The following SH2B3 variants were observed in gnomAD, a reference collection of about 807,000 sequenced individuals.
SH2B3 encodes SH2B adapter protein 3.
Under a neutral mutation model 51.9 loss-of-function variants are expected in SH2B3, and 43 were observed. The observed-to-expected ratio is 0.83, with a 90% confidence interval of 0.65 to 1.07. The LOEUF (loss-of-function observed/expected upper bound fraction) is 1.07, where lower values mean the gene tolerates loss of function less well. Ranked by LOEUF, SH2B3 falls within the 50% of genes least tolerant of loss-of-function variation. The pLI is 0.00. For missense variants in SH2B3, 952 were observed against 834.3 expected, an observed-to-expected ratio of 1.14 and a Z score of -1.74; for synonymous variants, 396 against 376.0, an observed-to-expected ratio of 1.05 and a Z score of -0.62.
At chr12:111,432,746 A>G (rs563153726) in intron 2 of SH2B3, among the ~76,000 whole-genome samples, 2 of 152,242 alleles carry the variant, frequency 1.3e-5, no homozygotes, top group African/African-American at 4.8e-5. Flanking sequence ...GACATTTCAC[A>G]TATGTGGAAT....
chr12:111,419,585 TAA>T (rs1194581359), intron 2 of SH2B3, among the ~76,000 whole-genome samples: 3 of 151,216 alleles, frequency 2.0e-5, no homozygotes, highest in African/African-American at 7.3e-5. Flanking sequence ...TACAGTGAAC[TAA>T]GATTGCACCA....
Position 111,418,456 on chromosome 12 carries a change from C to T in SH2B3, c.311C>T (p.Pro104Leu). Residue 104 changes from proline (P) to leucine (L), a missense_variant, in exon 2 of 8, where the codon CCG (proline) becomes CTG (leucine). Coordinates refer to ENST00000341259, the MANE Select transcript of SH2B3 (RefSeq NM_005475.3). This position sits in a 1 kb window ranked among gnomAD's most constrained non-coding sequence, Gnocchi z 6.7. ...CCCCCAGCCAAGGCCGAGGCGTCCC[C>T]GGAGCCAGGCCCCGGCCCCGCCGCC... is the stretch of plus-strand genomic sequence containing the variant. ...RGPPAKAEAS[P>L]EPGPGPAAPG... 1 of 1,388,798 alleles carries T rather than the reference C, an allele frequency of 7.2e-7. No individual in the cohort carries two copies. The highest frequency in any genetic ancestry group is 1.5e-5 in the South Asian group (1 of 67,190). The allele number at this position is 1,388,798 out of a possible 1,614,324, so 86.0% of individuals were successfully genotyped here.
At position 111,438,179 on chromosome 12, in the gene SH2B3, G is replaced by A. The variant is rs1026556314; in HGVS notation, c.733-8574G>A. ...CAGGGGCTGGGTGGCAGGGGAAGGTGTGGGCGGGAAGGCGGCTGGAGGGAG... is the reference window on the plus strand; with the variant it reads ...CAGGGGCTGGGTGGCAGGGGAAGGTATGGGCGGGAAGGCGGCTGGAGGGAG... On this transcript the variant is annotated intron_variant, in intron 2 of 7. Coordinates refer to ENST00000341259, the MANE Select transcript of SH2B3 (RefSeq NM_005475.3). This position sits in a 1 kb window ranked among gnomAD's most constrained non-coding sequence, Gnocchi z 4.2. 6.6e-6 allele frequency among the ~76,000 whole-genome samples: 1 copy of A among 152,164 alleles called. No individual in the cohort carries two copies. Among genetic ancestry groups the A allele is most frequent in the African/African-American group, 2.4e-5 (1 of 41,440 alleles).
intron 1 of SH2B3, among the ~76,000 whole-genome samples, chr12:111,414,863 C>T (rs1870966156): frequency 6.6e-6 from 1 of 152,188 alleles, no homozygotes; most frequent in South Asian, 2.1e-4. Flanking sequence ...TCATGGGTTC[C>T]TTACAAGGTG....
rs768764036 is a variant in SH2B3 at position 111,448,117 on chromosome 12, C to A, written c.1543C>A (p.Leu515Ile). 2 of 1,614,048 alleles carry A rather than the reference C, an allele frequency of 1.2e-6. No individual in the cohort carries two copies. Among genetic ancestry groups the A allele is most frequent in the Non-Finnish European group, 1.7e-6 (2 of 1,180,032 alleles). Residue 515 changes from leucine (L) to isoleucine (I), a missense_variant, in exon 8 of 8, where the codon CTC becomes ATC. Physicochemically the swap from Leu to Ile is conservative, Grantham distance 5 (BLOSUM62 2). Transcript: ENST00000341259. ...TCCCCGGGGGCTCAGCCCAGAGGGT[C>A]TCCCAGGGCGATCCTCACCCCCCGA... is the stretch of plus-strand genomic sequence containing the variant. Reference protein sequence around the residue: ...GCPRGLSPEGLPGRSSPPEQI... With the variant: ...GCPRGLSPEGIPGRSSPPEQI...
rs1870309079 is a variant in SH2B3, at chr12:111,407,131, G to A, written c.-28+854G>A. On this transcript the variant is annotated intron_variant, in intron 1 of 7. Coordinates refer to ENST00000341259, the MANE Select transcript of SH2B3 (RefSeq NM_005475.3). This position sits in a 1 kb window ranked among gnomAD's most constrained non-coding sequence, Gnocchi z 4.3. ...AGAGGAGGGTCTGCCTGCCTGTCCC[G>A]CTTCTTTTTTTCTTTAGTTTCCTCA... Among the ~76,000 whole-genome samples the A allele has an allele frequency of 6.6e-6, 1 of 152,122 alleles. No individual in the cohort carries two copies. The highest frequency in any genetic ancestry group is 2.4e-5 in the African/African-American group (1 of 41,416).
chr12:111,424,441 G>T (rs927307728), intron 2 of SH2B3, among the ~76,000 whole-genome samples: 1 of 152,160 alleles, frequency 6.6e-6, no homozygotes, highest in Admixed American at 6.5e-5. Flanking sequence ...TTTATTTCCA[G>T]TGCTTGCTGG....
At chr12:111,412,363 A>T (rs1215759142) in intron 1 of SH2B3, among the ~76,000 whole-genome samples, 1 of 152,054 alleles carries the variant, frequency 6.6e-6, no homozygotes, top group African/African-American at 2.4e-5. Flanking sequence ...TCCTGCCCGG[A>T]GCAGCCTGAG....
At chr12:111,442,424 G>A (rs557317772) in intron 2 of SH2B3, among the ~76,000 whole-genome samples, 11 of 152,340 alleles carry the variant, frequency 7.2e-5, no homozygotes, top group African/African-American at 2.2e-4. Flanking sequence ...TGGCAGAGGC[G>A]TGGCTGGTGC....
rs2135546626 is a variant in SH2B3 at position 111,418,171 on chromosome 12, C to T, written c.26C>T (p.Ser9Phe). 1.9e-6 allele frequency: 3 copies of T among 1,551,216 alleles called. No individual in the cohort carries two copies. The South Asian group carries it at 3.6e-5, about 19-fold the overall frequency. ...ATGAACGGGCCTGCCCTGCAGCCCT[C>T]CTCGCCCTCTTCCGCGCCCTCAGCC... is the stretch of plus-strand genomic sequence containing the variant. MNGPALQP[S>F]SPSSAPSASP... Residue 9 changes from serine (S) to phenylalanine (F), a missense_variant, in exon 2 of 8, where the codon TCC becomes TTC. Ser to Phe is a radical substitution (Grantham distance 155). Transcript: ENST00000341259. The surrounding 1 kb of genome is among the most constrained non-coding windows in gnomAD (Gnocchi z 6.7).
rs1871278210 is a variant in SH2B3, at chr12:111,418,582, T to A, written c.437T>A (p.Phe146Tyr). 1.3e-6 allele frequency: 2 copies of A among 1,484,480 alleles called. No individual in the cohort carries two copies. The highest frequency in any genetic ancestry group is 1.8e-6 in the Non-Finnish European group (2 of 1,124,546). The allele number at this position is 1,484,480 out of a possible 1,614,324, so 92.0% of individuals were successfully genotyped here. A position where few individuals can be genotyped will look rare whatever the true frequency, so the allele number is the denominator to read the frequency against. The change falls in exon 2 of 8, where the codon TTC becomes TAC. Residue 146 changes from phenylalanine (F) to tyrosine (Y), a missense_variant. Coordinates refer to ENST00000341259, the MANE Select transcript of SH2B3 (RefSeq NM_005475.3). The surrounding 1 kb of genome is among the most constrained non-coding windows in gnomAD (Gnocchi z 6.7). ...QHFRRSLRHIFRRRSAGELPA... is the reference protein window; with the variant it reads ...QHFRRSLRHIYRRRSAGELPA... ...TTTCGCCGCAGCCTCCGCCACATCT[T>A]CCGCCGCCGCTCGGCCGGGGAGCTG...
chr12:111,442,300 C>T (rs1873488724), intron 2 of SH2B3, among the ~76,000 whole-genome samples: 1 of 152,142 alleles, frequency 6.6e-6, no homozygotes, highest in African/African-American at 2.4e-5. Flanking sequence ...ACTGAACCTC[C>T]AGTTAGTGTC....
At chr12:111,411,451 A>G (rs1378873226) in intron 1 of SH2B3, among the ~76,000 whole-genome samples, 1 of 152,140 alleles carries the variant, frequency 6.6e-6, no homozygotes, top group Non-Finnish European at 1.5e-5. Flanking sequence ...CATTAAAAGG[A>G]AAATTTCAGC....
rs1874275633 is a variant in SH2B3, at chr12:111,448,413, A to C, written c.*111A>C. 5.8e-6 allele frequency: 5 copies of C among 855,384 alleles called. No homozygotes were observed. Among genetic ancestry groups the C allele is most frequent in the South Asian group, 5.2e-5 (3 of 57,144 alleles). 53.0% of individuals were successfully genotyped at this position (855,384 alleles called of 1,614,324 possible). ...CCTTCCAGAGAAAGATTTAAGGGAC[A>C]CTGTTAACTGCTCGTGCCAGTTTGG... On this transcript the variant is annotated 3_prime_UTR_variant, in exon 8 of 8. Transcript: ENST00000341259.
Position 111,429,887 on chromosome 12 carries a change from C to G in SH2B3, c.732+11010C>G, listed in dbSNP as rs1476558230. On this transcript the variant is annotated intron_variant, in intron 2 of 7. Coordinates refer to ENST00000341259, the MANE Select transcript of SH2B3 (RefSeq NM_005475.3). This position sits in a 1 kb window ranked among gnomAD's most constrained non-coding sequence, Gnocchi z 4.4. ...GGGGGTTTGTGTTTAGGCCCCAGAA[C>G]AGGCAGAGAGAAAGCACCCACCCTC... 6.6e-6 allele frequency among the ~76,000 whole-genome samples: 1 copy of G among 152,154 alleles called. No homozygotes were observed. The highest frequency in any genetic ancestry group is 2.4e-5 in the African/African-American group (1 of 41,442).
chr12:111,444,979 C>A, intron 2 of SH2B3: 1 of 651,296 alleles, frequency 1.5e-6, no homozygotes, highest in Non-Finnish European at 1.9e-6. Flanking sequence ...GGGTTGTGCT[C>A]AGCCAGCAGG....
chr12:111,447,512 G>T lies in SH2B3; in HGVS notation c.1204G>T (p.Val402Leu). The change falls in exon 6 of 8, where the codon GTG (valine) becomes TTG (leucine). Residue 402 changes from valine to leucine, a missense_variant. Val to Leu is a conservative substitution (Grantham distance 32). Coordinates refer to ENST00000341259, the MANE Select transcript of SH2B3 (RefSeq NM_005475.3). ...GAGCGAGACGCGGCGTGGGGAATAC[G>T]TGCTCACTTTCAACTTTCAGGGGAT... The part of the protein sequence containing the change: ...RQSETRRGEY[V>L]LTFNFQGIAK... 6.7e-7 allele frequency: 1 copy of T among 1,488,072 alleles called. No individual in the cohort carries two copies. The highest frequency in any genetic ancestry group is 8.9e-7 in the Non-Finnish European group (1 of 1,118,530). The allele number at this position is 1,488,072 out of a possible 1,614,324, so 92.2% of individuals were successfully genotyped here.
rs987425463 is a variant in SH2B3 at position 111,409,229 on chromosome 12, C to T, written c.-28+2952C>T. Among the ~76,000 whole-genome samples, 2 of 152,186 alleles carry T rather than the reference C, an allele frequency of 1.3e-5. No homozygotes were observed. The highest frequency in any genetic ancestry group is 4.8e-5 in the African/African-American group (2 of 41,440). On this transcript the variant is annotated intron_variant, in intron 1 of 7. Coordinates refer to ENST00000341259, the MANE Select transcript of SH2B3 (RefSeq NM_005475.3). The surrounding 1 kb of genome is among the most constrained non-coding windows in gnomAD (Gnocchi z 4.0). Reference sequence around the variant, plus strand: ...TGTGATCTTGGGCTGGTCCCTTAGCCTCTCTGAGCCACAGGTCTTTTTGTC... The same window carrying T: ...TGTGATCTTGGGCTGGTCCCTTAGCTTCTCTGAGCCACAGGTCTTTTTGTC...
rs75694386 is a variant in SH2B3 at position 111,407,017 on chromosome 12, C to G, written c.-28+740C>G. 6.6e-6 allele frequency among the ~76,000 whole-genome samples: 1 copy of G among 152,210 alleles called. No homozygotes were observed. Among genetic ancestry groups the G allele is most frequent in the African/African-American group, 2.4e-5 (1 of 41,446 alleles). On this transcript the variant is annotated intron_variant, in intron 1 of 7. Coordinates refer to ENST00000341259, the MANE Select transcript of SH2B3 (RefSeq NM_005475.3). The surrounding 1 kb of genome is among the most constrained non-coding windows in gnomAD (Gnocchi z 4.3). Reference sequence around the variant, plus strand: ...GATGGTATTTCAGAGGTCTCTGATGCCTGGTGCAGAAATCCCCTTCCCTCC... The same window carrying G: ...GATGGTATTTCAGAGGTCTCTGATGGCTGGTGCAGAAATCCCCTTCCCTCC...
Sources: gnomAD v4.1 joint callset for allele counts (sites outside exome capture counted in the v4.1 genomes callset) on GRCh38, gnomAD v4.1.1 for gene constraint, Gnocchi (gnomAD v3.1) non-coding constraint, MANE v1.5 for transcripts, NCBI Gene and HGNC (gene_info 2026-07-23, HGNC 2026-07-21) for gene names.